Variants in FSIP1 observed in about 807,000 individuals in gnomAD.
FSIP1 encodes the protein fibrous sheath interacting protein 1.
FSIP1 carries 65 observed loss-of-function variants against 60.9 expected under a neutral mutation model. The ratio of observed to expected loss-of-function variants is 1.07; its 90% CI spans 0.87 to 1.31. The LOEUF is 1.31. Ranked by LOEUF, FSIP1 falls within the 40% of genes most tolerant of loss-of-function variation. FSIP1 has a pLI of 0.00. For missense variants in FSIP1, 675 were observed against 665.5 expected (o/e 1.01, Z -0.16); for synonymous variants, 209 against 221.2 (o/e 0.94, Z 0.49).
At chr15:39,721,885 T>C (rs1349674783) in intron 9 of FSIP1, among the ~76,000 whole-genome samples, 1 of 152,202 alleles carries the variant, frequency 6.6e-6, no homozygotes, top group Non-Finnish European at 1.5e-5. Flanking sequence ...AATTTTTAAA[T>C]GTTGGCTAAA....
At chr15:39,630,839 C>T (rs557447237) in intron 10 of FSIP1, among the ~76,000 whole-genome samples, 4 of 152,172 alleles carry the variant, frequency 2.6e-5, no homozygotes, top group African/African-American at 4.8e-5. Context: ...CCATAACATG[C>T]CCCCTCCACA....
chr15:39,708,206 T>G (rs1895357658), intron 10 of FSIP1, among the ~76,000 whole-genome samples: 1 of 152,180 alleles, frequency 6.6e-6, no homozygotes, highest in Non-Finnish European at 1.5e-5. Flanking sequence ...TGCAGGTGGC[T>G]CAGCACAAAC....
At chr15:39,662,195 CA>C (rs1418025884) in intron 10 of FSIP1, among the ~76,000 whole-genome samples, 1 of 151,948 alleles carries the variant, frequency 6.6e-6, no homozygotes, top group East Asian at 1.9e-4. Flanking sequence ...GATCATTATT[CA>C]AAGGCACCCA....
intron 10 of FSIP1, among the ~76,000 whole-genome samples, chr15:39,619,587 A>T (rs1891368788): frequency 6.6e-6 from 1 of 152,184 alleles, no homozygotes; most frequent in Non-Finnish European, 1.5e-5. Flanking sequence ...TTTAGTCACT[A>T]GGCATTTCAG....
chr15:39,760,279 T>G (rs1897449843), intron 5 of FSIP1, among the ~76,000 whole-genome samples: 1 of 152,158 alleles, frequency 6.6e-6, no homozygotes, highest in South Asian at 2.1e-4. Flanking sequence ...ATCTACTGAT[T>G]GATGCTGAAA....
At chr15:39,687,137 C>CATT in intron 10 of FSIP1, among the ~76,000 whole-genome samples, 2 of 115,456 alleles carry the variant, frequency 1.7e-5, no homozygotes, top group Admixed American at 2.0e-4. Context: ...TTTTCTTTTC[C>CATT]TTTTTTTTTT....
At chr15:39,659,999 T>C (rs1893233718) in intron 10 of FSIP1, among the ~76,000 whole-genome samples, 1 of 152,016 alleles carries the variant, frequency 6.6e-6, no homozygotes, top group South Asian at 2.1e-4. Flanking sequence ...CTATCCCTTC[T>C]CCCATCCTCA....
At chr15:39,736,069 C>A (rs990568674) in intron 8 of FSIP1, among the ~76,000 whole-genome samples, 21 of 152,228 alleles carry the variant, frequency 1.4e-4, no homozygotes, top group African/African-American at 4.8e-4. Context: ...GTACAAGGAG[C>A]ACACTCTAAA....
At chr15:39,752,086 A>T (rs1897180577) in intron 5 of FSIP1, among the ~76,000 whole-genome samples, 1 of 152,048 alleles carries the variant, frequency 6.6e-6, no homozygotes, top group Admixed American at 6.6e-5. Flanking sequence ...CATTTTCTAA[A>T]TAACGATTAG....
At chr15:39,716,841 A>T (rs932936802) in intron 9 of FSIP1, among the ~76,000 whole-genome samples, 17 of 108,094 alleles carry the variant, frequency 1.6e-4, no homozygotes, top group African/African-American at 3.6e-5. Flanking sequence ...TTTGAGACGG[A>T]GTCTCGCTCT....
intron 10 of FSIP1, among the ~76,000 whole-genome samples, chr15:39,663,620 G>T (rs1893386331): frequency 6.6e-6 from 1 of 152,118 alleles, no homozygotes; most frequent in Non-Finnish European, 1.5e-5. Flanking sequence ...GGTTAGGAAT[G>T]AAAATGGACT....
At chr15:39,642,900 T>C (rs544481667) in intron 10 of FSIP1, among the ~76,000 whole-genome samples, 23 of 152,310 alleles carry the variant, frequency 1.5e-4, no homozygotes, top group Middle Eastern at 6.8e-3. Context: ...TAAAACAATG[T>C]TGTACTATAA....
intron 5 of FSIP1, among the ~76,000 whole-genome samples, chr15:39,759,581 C>A (rs1479509833): frequency 1.3e-5 from 2 of 152,156 alleles, no homozygotes; most frequent in Non-Finnish European, 2.9e-5. Context: ...AAAGTATACC[C>A]ATTTTCTATA....
intron 3 of FSIP1, among the ~76,000 whole-genome samples, chr15:39,769,052 G>A (rs1163604721): frequency 6.6e-6 from 1 of 152,132 alleles, no homozygotes; most frequent in Non-Finnish European, 1.5e-5. Flanking sequence ...GGCCGAGGCG[G>A]GCAGATCACG....
Position 39,734,970 on chromosome 15 carries a change from A to C in FSIP1, c.891+3121T>G, listed in dbSNP as rs140405445. On this transcript the variant is annotated intron_variant, in intron 8 of 11. Transcript: ENST00000350221. ...ATAAATACTAACAAAAATAATATGC[A>C]AAAGGCAGTATTATTAACAAAAAGT... is the stretch of plus-strand genomic sequence containing the variant. Among the ~76,000 whole-genome samples the C allele has an allele frequency of 1.5e-4, 23 of 152,336 alleles. No homozygotes were observed. The East Asian group carries it at 4.2e-3, about 28-fold the overall frequency.
At chr15:39,598,654 G>C (rs529938445), downstream of FSIP1, 1 of 152,248 alleles carries the variant, frequency 6.6e-6, no homozygotes, top group African/African-American at 2.4e-5. Context: ...CAAATAATCA[G>C]GTTGTACTGA....
intron 10 of FSIP1, among the ~76,000 whole-genome samples, chr15:39,699,012 C>T (rs890823454): frequency 1.3e-5 from 2 of 152,206 alleles, no homozygotes; most frequent in East Asian, 1.9e-4. Flanking sequence ...TCTGTCTTTC[C>T]GACCTGCCCT....
intron 10 of FSIP1, among the ~76,000 whole-genome samples, chr15:39,706,009 A>G (rs951016026): frequency 2.0e-5 from 3 of 152,038 alleles, no homozygotes; most frequent in Admixed American, 6.6e-5. Flanking sequence ...AAAAAAAAAA[A>G]AAAAAAAATC....
intron 11 of FSIP1, among the ~76,000 whole-genome samples, chr15:39,606,071 A>T (rs989886748): frequency 9.9e-5 from 15 of 152,186 alleles, no homozygotes; most frequent in Non-Finnish European, 2.2e-4. Context: ...CTAGCTTGGG[A>T]TTCTGCTACT....
Sources: gnomAD v4.1 joint callset for allele counts (sites outside exome capture counted in the v4.1 genomes callset) on GRCh38, gnomAD v4.1.1 for gene constraint, MANE v1.5 for transcripts, NCBI Gene and HGNC (gene_info 2026-07-23, HGNC 2026-07-21) for gene names.